The following ANO2 variants were observed in gnomAD, a reference collection of about 807,000 sequenced individuals.
ANO2 encodes the protein anoctamin 2.
In ANO2, 101 loss-of-function variants were observed where a neutral mutation model predicts 124.2. That is an observed-to-expected ratio of 0.81 (90% CI 0.69 to 0.96). The LOEUF is 0.96. Ranked by LOEUF, ANO2 falls within the 40% of genes least tolerant of loss-of-function variation. The pLI is 0.00. For missense variants in ANO2, 1,293 were observed against 1,274.5 expected (o/e 1.01, Z -0.22); for synonymous variants, 486 against 482.5 (o/e 1.01, Z -0.09).
intron 11 of ANO2, among the ~76,000 whole-genome samples, chr12:5,746,744 C>A (rs2137086167): frequency 6.6e-6 from 1 of 152,268 alleles, no homozygotes; most frequent in East Asian, 1.9e-4. Context: ...CCTGTTAGCA[C>A]AACGGGAGAA....
chr12:5,757,736 G>C (rs34764275), intron 10 of ANO2, among the ~76,000 whole-genome samples: 7,411 of 152,292 alleles, frequency 0.049, 249 homozygotes, highest in Non-Finnish European at 0.065. Context: ...GTAACCAGGA[G>C]AACTGAATTT....
intron 19 of ANO2, among the ~76,000 whole-genome samples, chr12:5,607,810 G>A (rs1320624106): frequency 1.3e-5 from 2 of 152,254 alleles, no homozygotes; most frequent in South Asian, 2.1e-4. Context: ...ACTGTCTCCC[G>A]TCACCCCCAG....
chr12:5,722,466 C>T lies in ANO2; in HGVS notation c.1545+10054G>A, dbSNP rs144157758. 2.6e-4 allele frequency among the ~76,000 whole-genome samples: 39 copies of T among 152,242 alleles called. No individual in the cohort carries two copies. In the East Asian group the frequency reaches 7.3e-3, roughly 29 times the overall value. ...AACTTGCAGTGAGCTGAGATCGCGC[C>T]ACTGCACTCCAGCCTGGGCGACAGA... On this transcript the variant is annotated intron_variant, in intron 14 of 24. Transcript: ENST00000682330.
chr12:5,853,958 C>T, intron 4 of ANO2, 85 bp downstream of exon 4: 1 of 901,286 alleles, frequency 1.1e-6, no homozygotes, highest in Non-Finnish European at 1.6e-6. Flanking sequence ...CCACAAAACC[C>T]ACATCCCACC....
intron 10 of ANO2, among the ~76,000 whole-genome samples, chr12:5,770,445 C>A (rs1278396866): frequency 6.6e-6 from 1 of 152,152 alleles, no homozygotes; most frequent in Non-Finnish European, 1.5e-5. Flanking sequence ...CCCAGTCTTT[C>A]ATATTTCAGC....
intron 14 of ANO2, among the ~76,000 whole-genome samples, 178 bp downstream of exon 14, chr12:5,732,342 G>A (rs2137066864): frequency 6.6e-6 from 1 of 152,218 alleles, no homozygotes; most frequent in Non-Finnish European, 1.5e-5. Context: ...CATAGAGAAA[G>A]CCCATTGCCC....
chr12:5,740,055 C>G (rs553595006), intron 12 of ANO2: 1 of 443,382 alleles, frequency 2.3e-6, no homozygotes, highest in Admixed American at 2.4e-5. Context: ...TTTGCCTGCC[C>G]CACCCACGGC....
intron 1 of ANO2, among the ~76,000 whole-genome samples, chr12:5,941,334 T>C (rs891404269): frequency 2.0e-5 from 3 of 152,042 alleles, no homozygotes; most frequent in East Asian, 3.8e-4. Flanking sequence ...GAAAAATCCA[T>C]TGGGTGGGAT....
At chr12:5,845,949 AATTT>A (rs1379626685) in intron 4 of ANO2, among the ~76,000 whole-genome samples, 2 of 152,212 alleles carry the variant, frequency 1.3e-5, no homozygotes, top group Non-Finnish European at 2.9e-5. Context: ...AAACTCAATT[AATTT>A]ATTTATCAAC....
chr12:5,716,412 A>G (rs761928874), intron 14 of ANO2, among the ~76,000 whole-genome samples: 2 of 151,984 alleles, frequency 1.3e-5, no homozygotes. Flanking sequence ...CTGTTTCATG[A>G]CTCACTACAG....
At chr12:5,710,599 T>C (rs1257563336) in intron 14 of ANO2, among the ~76,000 whole-genome samples, 1 of 152,178 alleles carries the variant, frequency 6.6e-6, no homozygotes, top group Admixed American at 6.5e-5. Flanking sequence ...AATGTAAACT[T>C]CATGTTCCAA....
At chr12:5,649,749 C>A (rs1946820825) in intron 14 of ANO2, among the ~76,000 whole-genome samples, 1 of 151,994 alleles carries the variant, frequency 6.6e-6, no homozygotes, top group Non-Finnish European at 1.5e-5. Flanking sequence ...GGACTACAGG[C>A]ACATGCCACG....
At chr12:5,590,986 A>C (rs771901140) in intron 20 of ANO2, among the ~76,000 whole-genome samples, 1 of 152,132 alleles carries the variant, frequency 6.6e-6, no homozygotes, top group African/African-American at 2.4e-5. Context: ...CAGGAGTTCG[A>C]GACCTGGTCA....
chr12:5,938,683 G>A (rs967386178), intron 1 of ANO2, among the ~76,000 whole-genome samples: 2 of 152,112 alleles, frequency 1.3e-5, no homozygotes, highest in East Asian at 3.9e-4. Flanking sequence ...AAATTAGCTG[G>A]GTGTGGTGGC....
intron 20 of ANO2, among the ~76,000 whole-genome samples, chr12:5,596,471 T>C (rs982766988): frequency 2.0e-5 from 3 of 152,206 alleles, no homozygotes; most frequent in African/African-American, 7.2e-5. Flanking sequence ...AGACAGGTTC[T>C]CTTCTGTTTT....
rs1280416508 is a variant in ANO2, at chr12:5,806,018, C to A, written c.990+34G>T. On this transcript the variant is annotated intron_variant, in intron 9 of 24. Coordinates refer to ENST00000682330, the MANE Select transcript of ANO2 (RefSeq NM_001364791.2). Reference sequence around the variant, plus strand: ...CACACCCACCCGTAGTCTCGCATGCCCAAAGTCCAGGATGCTGCACGAGGC... The same window carrying A: ...CACACCCACCCGTAGTCTCGCATGCACAAAGTCCAGGATGCTGCACGAGGC... 1.1e-5 allele frequency: 17 copies of A among 1,609,422 alleles called. No individual in the cohort carries two copies. In the East Asian group the frequency reaches 3.8e-4, roughly 36 times the overall value.
intron 20 of ANO2, among the ~76,000 whole-genome samples, chr12:5,581,843 A>G (rs1000840686): frequency 3.9e-5 from 6 of 152,220 alleles, no homozygotes; most frequent in African/African-American, 1.4e-4. Flanking sequence ...CCCTCTCTGC[A>G]GACGCCCCAT....
chr12:5,650,682 G>C (rs977578481), intron 14 of ANO2, among the ~76,000 whole-genome samples: 1 of 152,154 alleles, frequency 6.6e-6, no homozygotes, highest in Non-Finnish European at 1.5e-5. Flanking sequence ...AATATACTCT[G>C]CTTAAAAATC....
intron 19 of ANO2, among the ~76,000 whole-genome samples, chr12:5,607,627 G>C (rs1387001138): frequency 3.3e-5 from 5 of 152,088 alleles, no homozygotes; most frequent in African/African-American, 1.2e-4. Context: ...AGTGAGTGAA[G>C]CTTCATCTGT....
Sources: allele counts gnomAD v4.1 joint callset (sites outside exome capture counted in the v4.1 genomes callset), GRCh38; gene constraint gnomAD v4.1.1; transcripts MANE v1.5; gene names NCBI Gene and HGNC (gene_info 2026-07-23, HGNC 2026-07-21).